HTR1F: variants seen among roughly 807,000 people sequenced by gnomAD.
The protein encoded by HTR1F is 5-hydroxytryptamine (serotonin) receptor 1F, G protein-coupled.
HTR1F carries 17 observed loss-of-function variants against 24.0 expected under a neutral mutation model. The observed-to-expected ratio is 0.71, with a 90% CI of 0.48 to 1.06. The LOEUF is 1.06. Ranked by LOEUF, HTR1F falls within the 50% of genes least tolerant of loss-of-function variation. HTR1F has a pLI of 0.00. For missense variants in HTR1F, 391 were observed against 427.8 expected (o/e 0.91, Z 0.76); for synonymous variants, 186 against 156.8 (o/e 1.19, Z -1.39).
At chr3:87,845,790 C>T (rs567168275) in intron 2 of HTR1F, among the ~76,000 whole-genome samples, 2 of 152,022 alleles carry the variant, frequency 1.3e-5, no homozygotes, top group South Asian at 2.1e-4. Flanking sequence ...AACAAAAACT[C>T]GCTATTACCA....
At chr3:87,975,160 G>A (rs1705366795) in intron 2 of HTR1F, among the ~76,000 whole-genome samples, 1 of 152,036 alleles carries the variant, frequency 6.6e-6, no homozygotes, top group Non-Finnish European at 1.5e-5. Context: ...ACGAAGTCTA[G>A]AAGTAATCAG....
chr3:87,964,473 A>G (rs1208873860), intron 2 of HTR1F, among the ~76,000 whole-genome samples: 2 of 151,832 alleles, frequency 1.3e-5, no homozygotes, highest in Non-Finnish European at 2.9e-5. Flanking sequence ...CTGAGCCACA[A>G]CTCCTGACTC....
intron 2 of HTR1F, among the ~76,000 whole-genome samples, chr3:87,966,699 T>G (rs1054456733): frequency 5.3e-5 from 8 of 152,232 alleles, no homozygotes; most frequent in Admixed American, 4.6e-4. Context: ...TTTACATACT[T>G]CTTAAGACTC....
chr3:87,964,290 T>A (rs1399770956), intron 2 of HTR1F, among the ~76,000 whole-genome samples: 2 of 152,188 alleles, frequency 1.3e-5, no homozygotes, highest in African/African-American at 4.8e-5. Flanking sequence ...CCAAAGTAAA[T>A]CACTCCTACA....
chr3:87,935,672 C>T (rs1291134596), intron 2 of HTR1F, among the ~76,000 whole-genome samples: 3 of 152,140 alleles, frequency 2.0e-5, no homozygotes, highest in Non-Finnish European at 4.4e-5. Flanking sequence ...CAAACCATTT[C>T]ACTGTTTCAT....
At chr3:87,884,366 GAAC>G (rs1468620457) in intron 2 of HTR1F, among the ~76,000 whole-genome samples, 2 of 152,126 alleles carry the variant, frequency 1.3e-5, no homozygotes, top group African/African-American at 2.4e-5. Context: ...ACATGGAAAG[GAAC>G]AACAGGTTAT....
chr3:87,848,175 C>T (rs1704989878), intron 2 of HTR1F, among the ~76,000 whole-genome samples: 1 of 151,832 alleles, frequency 6.6e-6, no homozygotes, highest in Non-Finnish European at 1.5e-5. Context: ...TTGCCATCAT[C>T]TGTTAAATTT....
chr3:87,820,412 G>A (rs1359998817), intron 1 of HTR1F, among the ~76,000 whole-genome samples: 5 of 151,768 alleles, frequency 3.3e-5, no homozygotes, highest in Non-Finnish European at 2.9e-5. Context: ...TCCTGACCTC[G>A]TGATCCGCCC....
At chr3:87,799,103 T>C (rs1025806153) in intron 1 of HTR1F, among the ~76,000 whole-genome samples, 6 of 152,168 alleles carry the variant, frequency 3.9e-5, no homozygotes, top group Non-Finnish European at 5.9e-5. Context: ...TTTTAGACAA[T>C]TAGCAGACTC....
chr3:87,944,259 C>T (rs1405372687), intron 2 of HTR1F, among the ~76,000 whole-genome samples: 2 of 152,204 alleles, frequency 1.3e-5, no homozygotes, highest in African/African-American at 4.8e-5. Flanking sequence ...CATCAAGATG[C>T]ATTCCCATAA....
At chr3:87,901,738 T>C (rs1706328641) in intron 2 of HTR1F, among the ~76,000 whole-genome samples, 1 of 152,082 alleles carries the variant, frequency 6.6e-6, no homozygotes, top group South Asian at 2.1e-4. Context: ...CTACTTAGTA[T>C]TCTGTGATAA....
At chr3:87,835,568 A>G (rs1306080091) in intron 2 of HTR1F, among the ~76,000 whole-genome samples, 2 of 152,244 alleles carry the variant, frequency 1.3e-5, no homozygotes, top group Non-Finnish European at 2.9e-5. Flanking sequence ...AGAAGTCACA[A>G]TAGACCATGC....
At position 87,849,524 on chromosome 3, in the gene HTR1F, A is replaced by T. The variant is rs1006022062; in HGVS notation, c.-43+27400A>T. On this transcript the variant is annotated intron_variant, in intron 2 of 2. Coordinates refer to ENST00000319595, the MANE Select transcript of HTR1F (RefSeq NM_001322209.2). ...AAAACCCTATAAGAAAATCTAGGCA[A>T]TACCATTCAGGACATAGGCATGGGC... 2.5e-4 allele frequency among the ~76,000 whole-genome samples: 38 copies of T among 152,012 alleles called. 1 individual carries two copies. Among genetic ancestry groups the T allele is most frequent in the African/African-American group, 9.0e-4 (37 of 41,322 alleles).
intron 2 of HTR1F, among the ~76,000 whole-genome samples, chr3:87,909,187 G>A (rs950811985): frequency 3.3e-5 from 5 of 151,982 alleles, no homozygotes; most frequent in African/African-American, 1.2e-4. Context: ...GTGCAAAGGA[G>A]ATAGCATATG....
At chr3:87,952,412 G>A (rs1234925605) in intron 2 of HTR1F, among the ~76,000 whole-genome samples, 1 of 151,882 alleles carries the variant, frequency 6.6e-6, no homozygotes, top group African/African-American at 2.4e-5. Flanking sequence ...ATGTTGATAT[G>A]GAAACAGGCA....
chr3:87,955,934 G>A (rs1704934153), intron 2 of HTR1F, among the ~76,000 whole-genome samples: 3 of 151,266 alleles, frequency 2.0e-5, no homozygotes, highest in Admixed American at 2.0e-4. Flanking sequence ...TCTGTATATG[G>A]TCTGGATACA....
At chr3:87,902,021 T>C (rs985371808) in intron 2 of HTR1F, among the ~76,000 whole-genome samples, 1 of 152,130 alleles carries the variant, frequency 6.6e-6, no homozygotes, top group African/African-American at 2.4e-5. Context: ...ATAGTTAGCC[T>C]CAATATTATA....
At chr3:87,935,094 C>G (rs1704379392) in intron 2 of HTR1F, among the ~76,000 whole-genome samples, 1 of 152,146 alleles carries the variant, frequency 6.6e-6, no homozygotes, top group African/African-American at 2.4e-5. Context: ...TCTTGAATCC[C>G]TGGAATCAAG....
At chr3:87,875,694 G>A (rs552208677) in intron 2 of HTR1F, among the ~76,000 whole-genome samples, 1 of 152,042 alleles carries the variant, frequency 6.6e-6, no homozygotes, top group African/African-American at 2.4e-5. Flanking sequence ...GGAGGCCGAG[G>A]CGGGCAGATC....
Sources: gnomAD v4.1 joint callset for allele counts (sites outside exome capture counted in the v4.1 genomes callset) on GRCh38, gnomAD v4.1.1 for gene constraint, MANE v1.5 for transcripts, NCBI Gene and HGNC (gene_info 2026-07-23, HGNC 2026-07-21) for gene names.